CHRM3: variants seen among roughly 807,000 people sequenced by gnomAD.
The protein encoded by CHRM3 is muscarinic acetylcholine receptor M3.
In CHRM3, 11 loss-of-function variants were observed where a neutral mutation model predicts 41.8. The observed-to-expected ratio is 0.26, with a 90% confidence interval of 0.17 to 0.44. The LOEUF (loss-of-function observed/expected upper bound fraction) is 0.44. Among genes scored for constraint, CHRM3 ranks in the 20% least tolerant of loss-of-function variants. The probability of loss-of-function intolerance (pLI) is 1.00; values close to 1 mark genes in which losing one functional copy is unlikely to be tolerated. For synonymous variants in CHRM3, 297 were observed against 301.4 expected, an observed-to-expected ratio of 0.99 and a Z score of 0.15; for missense variants, 571 against 745.4, an observed-to-expected ratio of 0.77 and a Z score of 2.72.
intron 4 of CHRM3, among the ~76,000 whole-genome samples, chr1:239,647,577 T>G (rs1671850803): frequency 6.6e-6 from 1 of 152,178 alleles, no homozygotes; most frequent in Admixed American, 6.6e-5. Flanking sequence ...TCCTTTTTAC[T>G]TAACTTGACC....
At chr1:239,882,111 T>C (rs1177213431) in intron 6 of CHRM3, among the ~76,000 whole-genome samples, 2 of 152,116 alleles carry the variant, frequency 1.3e-5, no homozygotes, top group African/African-American at 4.8e-5. Flanking sequence ...TTTCGCCTTG[T>C]TGGCCAGGCT....
intron 5 of CHRM3, among the ~76,000 whole-genome samples, chr1:239,769,496 C>T (rs1323129708): frequency 6.6e-6 from 1 of 152,310 alleles, no homozygotes; most frequent in African/African-American, 2.4e-5. Flanking sequence ...GTTGTATAAG[C>T]ACTGTGTTCC....
At chr1:239,551,750 A>T (rs1230410451) in intron 3 of CHRM3, among the ~76,000 whole-genome samples, 1 of 152,198 alleles carries the variant, frequency 6.6e-6, no homozygotes, top group African/African-American at 2.4e-5. Context: ...CAGTGAAGTC[A>T]AACATGGGCT....
intron 5 of CHRM3, among the ~76,000 whole-genome samples, chr1:239,774,331 A>T (rs1667925176): frequency 6.6e-6 from 1 of 152,164 alleles, no homozygotes; most frequent in African/African-American, 2.4e-5. Flanking sequence ...TAATAGTCGT[A>T]GTAGGAATAC....
intron 1 of CHRM3, among the ~76,000 whole-genome samples, chr1:239,397,921 G>A (rs1239640120): frequency 6.6e-6 from 1 of 151,838 alleles, no homozygotes; most frequent in Non-Finnish European, 1.5e-5. Flanking sequence ...AGCATTTGTT[G>A]AAAAGAAAAT....
At chr1:239,422,212 T>C (rs545299752) in intron 1 of CHRM3, among the ~76,000 whole-genome samples, 27 of 152,166 alleles carry the variant, frequency 1.8e-4, no homozygotes, top group Non-Finnish European at 3.7e-4. Flanking sequence ...GAGATTCCAA[T>C]ATTTGAGCAT....
At chr1:239,745,903 T>C (rs1665314148) in intron 5 of CHRM3, among the ~76,000 whole-genome samples, 1 of 152,188 alleles carries the variant, frequency 6.6e-6, no homozygotes, top group Admixed American at 6.5e-5. Context: ...ACTTTCCTTC[T>C]AAAATTATAG....
chr1:239,403,976 GGAGAGAGAGAGAGAGA>G (rs531556599), intron 1 of CHRM3, among the ~76,000 whole-genome samples: 12 of 46,486 alleles, frequency 2.6e-4, no homozygotes, highest in African/African-American at 7.3e-4. Flanking sequence ...AGAGGGAGGG[GGAGAGAGAGAGAGAGA>G]GAGAGAGAGA....
At chr1:239,391,783 CCAAAAATTAAAAA>C (rs1479334348) in intron 1 of CHRM3, among the ~76,000 whole-genome samples, 1 of 152,092 alleles carries the variant, frequency 6.6e-6, no homozygotes, top group Non-Finnish European at 1.5e-5. Flanking sequence ...ACAATGGTGG[CCAAAAATTAAAAA>C]CAAAAAACAA....
chr1:239,457,776 T>C (rs910694923), intron 1 of CHRM3, among the ~76,000 whole-genome samples: 2 of 152,220 alleles, frequency 1.3e-5, no homozygotes, highest in Admixed American at 6.5e-5. Context: ...TTTCATAAAA[T>C]TATTAACTGC....
intron 1 of CHRM3, among the ~76,000 whole-genome samples, chr1:239,437,878 A>C (rs1300127575): frequency 6.6e-6 from 1 of 152,220 alleles, no homozygotes; most frequent in African/African-American, 2.4e-5. Context: ...TGGATTTAAG[A>C]CAAAAATGAG....
chr1:239,564,448 G>A (rs1450369795), intron 3 of CHRM3, among the ~76,000 whole-genome samples: 1 of 152,050 alleles, frequency 6.6e-6, no homozygotes, highest in African/African-American at 2.4e-5. Flanking sequence ...ACCTGCGTGA[G>A]GATTATCTTT....
intron 6 of CHRM3, among the ~76,000 whole-genome samples, chr1:239,884,581 G>T (rs1156293705): frequency 6.6e-6 from 1 of 152,158 alleles, no homozygotes; most frequent in Non-Finnish European, 1.5e-5. Flanking sequence ...CTTCTTAAAA[G>T]TCTCCTTAAC....
At chr1:239,524,965 A>C (rs1467237169) in intron 2 of CHRM3, among the ~76,000 whole-genome samples, 1 of 152,254 alleles carries the variant, frequency 6.6e-6, no homozygotes, top group Admixed American at 6.5e-5. Context: ...GTAAAAGAAT[A>C]AATTCAAGCA....
chr1:239,605,695 G>T (rs1426142589), intron 3 of CHRM3, among the ~76,000 whole-genome samples: 2 of 152,098 alleles, frequency 1.3e-5, no homozygotes, highest in African/African-American at 4.8e-5. Context: ...TTCATTTAAA[G>T]TTGGAATTTT....
intron 5 of CHRM3, among the ~76,000 whole-genome samples, chr1:239,740,439 G>C (rs1276395742): frequency 3.3e-5 from 5 of 151,434 alleles, no homozygotes. Context: ...TGACTACCAA[G>C]AAAGTTGACA....
intron 5 of CHRM3, among the ~76,000 whole-genome samples, chr1:239,786,403 A>G (rs952596273): frequency 6.6e-6 from 1 of 152,156 alleles, no homozygotes; most frequent in Non-Finnish European, 1.5e-5. Flanking sequence ...CCCTCACAAC[A>G]TTACTATGAG....
chr1:239,397,192 A>G (rs755446846), intron 1 of CHRM3, among the ~76,000 whole-genome samples: 4 of 152,328 alleles, frequency 2.6e-5, no homozygotes, highest in East Asian at 1.9e-4. Flanking sequence ...ATCATATTTG[A>G]TGACGTGAAC....
intron 1 of CHRM3, among the ~76,000 whole-genome samples, chr1:239,483,715 C>T (rs988012622): frequency 1.3e-5 from 2 of 152,118 alleles, no homozygotes; most frequent in Non-Finnish European, 2.9e-5. Flanking sequence ...GAGACAGAGT[C>T]TAAGTAAACA....
Sources: allele counts gnomAD v4.1 joint callset (sites outside exome capture counted in the v4.1 genomes callset), GRCh38; gene constraint gnomAD v4.1.1; transcripts MANE v1.5; gene names NCBI Gene and HGNC (gene_info 2026-07-23, HGNC 2026-07-21).